The following CDC73 variants were observed in gnomAD, a reference collection of about 807,000 sequenced individuals.
The protein encoded by CDC73 is cell division cycle 73.
A neutral mutation model predicts 83.7 loss-of-function variants in CDC73; 21 were observed. That is an observed-to-expected ratio of 0.25 (90% CI 0.18 to 0.36). The LOEUF (loss-of-function observed/expected upper bound fraction) is 0.36. Ranked by LOEUF, CDC73 falls within the 10% of genes least tolerant of loss-of-function variation. The pLI is 1.00. For synonymous variants in CDC73, 224 were observed against 212.9 expected (o/e 1.05, Z -0.45); for missense variants, 342 against 653.3 (o/e 0.52, Z 5.19).
In CDC73 at chr1:193,253,231, A is replaced by C. The variant is rs1266143404; in HGVS notation, c.*2519A>C. On this transcript the variant is annotated 3_prime_UTR_variant, in exon 17 of 17. Transcript: ENST00000367435. Reference sequence around the variant, plus strand: ...TATCCATGCCTGAATCTTGATTCCCATTTTCATGTAATTTGAGACAAGACC... The same window carrying C: ...TATCCATGCCTGAATCTTGATTCCCCTTTTCATGTAATTTGAGACAAGACC... 4.3e-6 allele frequency: 1 copy of C among 232,336 alleles called. No homozygotes were observed. The highest frequency in any genetic ancestry group is 8.5e-6 in the Non-Finnish European group (1 of 117,552). 14.4% of individuals were successfully genotyped at this position (232,336 alleles called of 1,614,324 possible).
Position 193,212,392 on chromosome 1 carries a change from T to C in CDC73, c.1069T>C (p.Ser357Pro). The change falls in exon 13 of 17, where the codon TCT (serine) becomes CCT (proline). Residue 357 changes from serine to proline, a missense_variant and splice_region_variant. By Grantham distance (74) the Ser-to-Pro change is moderately conservative (BLOSUM62 -1). Transcript: ENST00000367435. ...ACCTGTAAATTTTGTCTTTATAGGA[T>C]CTCGAACACCCATTATCATAATTCC... ...ARPPPNQKKG[S>P]RTPIIIIPAA... 1 of 1,587,480 alleles carries C rather than the reference T, an allele frequency of 6.3e-7. No individual in the cohort carries two copies. The highest frequency in any genetic ancestry group is 2.2e-5 in the East Asian group (1 of 44,454).
chr1:193,200,328 T>C (rs950051510), intron 10 of CDC73, among the ~76,000 whole-genome samples: 2 of 152,232 alleles, frequency 1.3e-5, no homozygotes, highest in African/African-American at 4.8e-5. Flanking sequence ...CTGATGGTAT[T>C]ATATATTACG....
At chr1:193,127,663 C>G (rs974905109) in intron 2 of CDC73, among the ~76,000 whole-genome samples, 1 of 151,940 alleles carries the variant, frequency 6.6e-6, no homozygotes, top group Admixed American at 6.6e-5. Flanking sequence ...TACTGTGGAC[C>G]TTGGGACCCT....
chr1:193,129,277 T>C (rs907414604), intron 2 of CDC73, among the ~76,000 whole-genome samples: 3 of 151,866 alleles, frequency 2.0e-5, no homozygotes, highest in African/African-American at 2.4e-5. Flanking sequence ...ATTACAGGTG[T>C]GAGCCACTGC....
intron 10 of CDC73, among the ~76,000 whole-genome samples, chr1:193,202,996 CTAGTG>C (rs948028688): frequency 1.8e-4 from 28 of 152,132 alleles, no homozygotes; most frequent in African/African-American, 6.7e-4. Flanking sequence ...TTATGTACCA[CTAGTG>C]TAAAGTCTTT....
Position 193,138,075 on chromosome 1 carries a change from T to C in CDC73, c.424-10T>C, listed in dbSNP as rs766638782. 1.9e-6 allele frequency: 3 copies of C among 1,606,130 alleles called. No homozygotes were observed. Among genetic ancestry groups the C allele is most frequent in the Admixed American group, 3.3e-5 (2 of 60,008 alleles). On this transcript the variant is annotated splice_polypyrimidine_tract_variant and intron_variant, in intron 5 of 16. Transcript: ENST00000367435. ...AAATTTTAAATGCATTAACCAGTGG[T>C]TATTTCCAGGATGAAGAGTGTGTGC...
Position 193,186,329 on chromosome 1 carries a change from A to C in CDC73, c.973-17466A>C, listed in dbSNP as rs181462524. 1.8e-3 allele frequency: 280 copies of C among 152,522 alleles called. 3 individuals carry two copies. The highest frequency in any genetic ancestry group is 6.5e-4 in the Non-Finnish European group (44 of 68,034). The allele number at this position is 152,522 out of a possible 1,614,324, so 9.4% of individuals were successfully genotyped here. On this transcript the variant is annotated intron_variant, in intron 10 of 16. Coordinates refer to ENST00000367435, the MANE Select transcript of CDC73 (RefSeq NM_024529.5). The stretch of plus-strand genomic sequence containing the variant: ...GTTGACTCTTCCCGACAGTTGATGC[A>C]TTGAAGCTTTTTACATCTGCTATTT...
intron 10 of CDC73, among the ~76,000 whole-genome samples, chr1:193,154,165 C>G (rs898240729): frequency 2.0e-5 from 3 of 152,152 alleles, no homozygotes; most frequent in Admixed American, 2.0e-4. Context: ...AGAACTTGCC[C>G]GCTGATCATT....
chr1:193,162,629 A>C (rs1315947771), intron 10 of CDC73, among the ~76,000 whole-genome samples: 1 of 152,014 alleles, frequency 6.6e-6, no homozygotes, highest in Admixed American at 6.6e-5. Flanking sequence ...TCAGGCTTCC[A>C]AAGTGCTGGG....
chr1:193,214,706 G>T (rs903710754), intron 13 of CDC73, among the ~76,000 whole-genome samples: 1 of 152,156 alleles, frequency 6.6e-6, no homozygotes, highest in South Asian at 2.1e-4. Flanking sequence ...GCGACAGAGC[G>T]AGACTCCTCA....
intron 15 of CDC73, among the ~76,000 whole-genome samples, chr1:193,242,013 C>T (rs145127076): frequency 2.0e-4 from 30 of 151,946 alleles, no homozygotes; most frequent in Non-Finnish European, 2.9e-4. Context: ...AGAATCTGTC[C>T]TCAGGGTGCT....
chr1:193,175,983 G>A (rs1229258117), intron 10 of CDC73, among the ~76,000 whole-genome samples: 1 of 152,058 alleles, frequency 6.6e-6, no homozygotes, highest in Non-Finnish European at 1.5e-5. Flanking sequence ...GAATCTGTTA[G>A]GAAGAAGATT....
chr1:193,138,288 C>T (rs1675836773), intron 6 of CDC73, 115 bp downstream of exon 6: 1 of 767,248 alleles, frequency 1.3e-6, no homozygotes, highest in South Asian at 1.4e-5. Context: ...TCATTTTATG[C>T]CTCTTTGCTC....
At chr1:193,164,067 A>ATT (rs1251623432) in intron 10 of CDC73, among the ~76,000 whole-genome samples, 1 of 152,214 alleles carries the variant, frequency 6.6e-6, no homozygotes, top group Admixed American at 6.5e-5. Context: ...CACCATGCCC[A>ATT]GCCCAGTATA....
chr1:193,232,293 A>G (rs918436846), intron 13 of CDC73, among the ~76,000 whole-genome samples: 3 of 152,216 alleles, frequency 2.0e-5, no homozygotes, highest in Admixed American at 2.0e-4. Flanking sequence ...AAAGAAGCCT[A>G]CTAGCCACAA....
chr1:193,132,449 A>G (rs1675712326), intron 3 of CDC73, among the ~76,000 whole-genome samples: 1 of 152,174 alleles, frequency 6.6e-6, no homozygotes, highest in African/African-American at 2.4e-5. Context: ...CAATTCTGTG[A>G]AGAGGATGGA....
Position 193,125,114 on chromosome 1 carries a change from C to G in CDC73, c.134C>G (p.Thr45Ser). Residue 45 changes from threonine to serine, a missense_variant and splice_region_variant, in exon 2 of 17, where the codon ACT (threonine) becomes AGT (serine). By Grantham distance (58) the Thr-to-Ser change is moderately conservative. Transcript: ENST00000367435. ...AAATCTTGCCTTAATTATTTCAGGA[C>G]TGGAAAGGAAGGCCAACCCAGAGAG... is the stretch of plus-strand genomic sequence containing the variant. ...NVKTNYVVWG[T>S]GKEGQPREYY... 6.5e-7 allele frequency: 1 copy of G among 1,535,350 alleles called. No homozygotes were observed. The highest frequency in any genetic ancestry group is 9.0e-7 in the Non-Finnish European group (1 of 1,108,180).
chr1:193,130,076 G>C, intron 2 of CDC73, 98 bp from the exon 3 acceptor site: 1 of 701,260 alleles, frequency 1.4e-6, no homozygotes, highest in Non-Finnish European at 2.6e-6. Context: ...GTTTTTTCAA[G>C]ATATGTTGGA....
intron 11 of CDC73, among the ~76,000 whole-genome samples, chr1:193,204,247 ATGTGTATGTG>A (rs1558310034): frequency 1.6e-5 from 2 of 123,058 alleles, no homozygotes; most frequent in Non-Finnish European, 3.3e-5. Flanking sequence ...ACGTATATAT[ATGTGTATGTG>A]TGTGTGTGTG....
Sources: allele counts gnomAD v4.1 joint callset (sites outside exome capture counted in the v4.1 genomes callset), GRCh38; gene constraint gnomAD v4.1.1; transcripts MANE v1.5; gene names NCBI Gene and HGNC (gene_info 2026-07-23, HGNC 2026-07-21).